NEURL1: variants seen among roughly 807,000 people sequenced by gnomAD.
NEURL1 encodes E3 ubiquitin-protein ligase NEURL1.
In NEURL1, 26 loss-of-function variants were observed where a neutral mutation model predicts 41.2. The ratio of observed to expected loss-of-function variants is 0.63; its 90% CI spans 0.46 to 0.87. NEURL1 has a LOEUF of 0.87. Among genes scored for constraint, NEURL1 ranks in the 40% least tolerant of loss-of-function variants. The pLI, the probability that NEURL1 is intolerant of heterozygous loss-of-function variation, is 0.00. For synonymous variants in NEURL1, 400 were observed against 402.3 expected (o/e 0.99, Z 0.07); for missense variants, 761 against 871.1 (o/e 0.87, Z 1.59).
chr10:103,578,458 C>T (rs2035713183), intron 3 of NEURL1, among the ~76,000 whole-genome samples: 1 of 152,118 alleles, frequency 6.6e-6, no homozygotes, highest in African/African-American at 2.4e-5. Flanking sequence ...CACTGGGGTT[C>T]CACAGAGGTG....
At chr10:103,544,867 G>A (rs997499665) in intron 1 of NEURL1, among the ~76,000 whole-genome samples, 2 of 152,162 alleles carry the variant, frequency 1.3e-5, no homozygotes, top group South Asian at 2.1e-4. Context: ...TGCCACCACC[G>A]CCACCAGGAG....
rs540523272 is a variant in NEURL1 at position 103,562,255 on chromosome 10, C to T, written c.86-8617C>T. 1.4e-4 allele frequency among the ~76,000 whole-genome samples: 22 copies of T among 152,228 alleles called. No individual in the cohort carries two copies. The South Asian group carries it at 2.7e-3, about 19-fold the overall frequency. On this transcript the variant is annotated intron_variant, in intron 1 of 5. Coordinates refer to ENST00000369780, the MANE Select transcript of NEURL1 (RefSeq NM_004210.5). ...AAAATTAGCCAGGCGTGGTGGCTCG[C>T]GCCTGTAATCCCAGCTACTCAGGAG...
chr10:103,520,687 C>T (rs142337798), intron 1 of NEURL1, among the ~76,000 whole-genome samples: 1,805 of 151,808 alleles, frequency 0.012, 26 homozygotes, highest in African/African-American at 0.041. Flanking sequence ...AAAATAGTGT[C>T]GAAGTGTTGG....
intron 1 of NEURL1, among the ~76,000 whole-genome samples, chr10:103,495,100 A>G (rs1185993890): frequency 6.6e-6 from 1 of 152,150 alleles, no homozygotes; most frequent in African/African-American, 2.4e-5. Context: ...GACATTTACT[A>G]GGAATGTCTT....
chr10:103,580,391 AC>A (rs1243304971), intron 3 of NEURL1, among the ~76,000 whole-genome samples: 3 of 152,272 alleles, frequency 2.0e-5, no homozygotes, highest in African/African-American at 7.2e-5. Flanking sequence ...ATGTGGGGCC[AC>A]CCCACTGCTT....
intron 1 of NEURL1, among the ~76,000 whole-genome samples, chr10:103,548,249 T>G (rs2034962478): frequency 6.6e-6 from 1 of 152,252 alleles, no homozygotes; most frequent in Admixed American, 6.5e-5. Flanking sequence ...ATGTGCCTGA[T>G]GCAGAGTAAG....
intron 1 of NEURL1, among the ~76,000 whole-genome samples, chr10:103,557,403 C>T (rs1035094359): frequency 2.0e-5 from 3 of 152,156 alleles, no homozygotes; most frequent in African/African-American, 7.2e-5. Flanking sequence ...TCCCATTTCC[C>T]TGGGGGCAGG....
At chr10:103,525,871 T>C (rs2034449330) in intron 1 of NEURL1, among the ~76,000 whole-genome samples, 1 of 152,224 alleles carries the variant, frequency 6.6e-6, no homozygotes, top group Non-Finnish European at 1.5e-5. Flanking sequence ...AGTATGATGT[T>C]GGCTATGATT....
At chr10:103,555,440 C>T in intron 1 of NEURL1, 5 of 1,349,746 alleles carry the variant, frequency 3.7e-6, no homozygotes, top group Non-Finnish European at 4.9e-6. Flanking sequence ...GCCTGCGGGC[C>T]CGCCCACCCC....
chr10:103,514,042 T>G (rs2034138784), intron 1 of NEURL1, among the ~76,000 whole-genome samples: 1 of 152,098 alleles, frequency 6.6e-6, no homozygotes, highest in Admixed American at 6.5e-5. Flanking sequence ...TTTTTCTCTT[T>G]CTTTTTGCAC....
intron 4 of NEURL1, among the ~76,000 whole-genome samples, chr10:103,586,241 G>A (rs1439558977): frequency 3.9e-5 from 6 of 152,084 alleles, no homozygotes; most frequent in Non-Finnish European, 5.9e-5. Context: ...TAATTTGACC[G>A]GAAATCTTTT....
intron 5 of NEURL1, among the ~76,000 whole-genome samples, chr10:103,589,907 A>G (rs1161012096): frequency 6.6e-6 from 1 of 152,020 alleles, no homozygotes; most frequent in African/African-American, 2.4e-5. Context: ...CTTTTCTCTC[A>G]CTGCCTCCTA....
At position 103,590,279 on chromosome 10, in the gene NEURL1, C is replaced by T. The variant is rs1198826305; in HGVS notation, c.1632C>T (p.Ala544=). The change falls in exon 6 of 6, where the codon GCC becomes GCT. Residue 544 remains alanine (A), a synonymous_variant. Coordinates refer to ENST00000369780, the MANE Select transcript of NEURL1 (RefSeq NM_004210.5). The part of the protein sequence containing the change: ...YTCGHMCLCY[A]CGLRLKKALH... The stretch of plus-strand genomic sequence containing the variant: ...GTGGCCACATGTGCCTCTGCTACGC[C>T]TGTGGCCTGCGCCTCAAGAAGGCTC... 6.2e-7 allele frequency: 1 copy of T among 1,614,188 alleles called. No homozygotes were observed. The highest frequency in any genetic ancestry group is 1.3e-5 in the African/African-American group (1 of 75,042).
chr10:103,536,368 A>G (rs1027912844), intron 1 of NEURL1, among the ~76,000 whole-genome samples: 1 of 151,788 alleles, frequency 6.6e-6, no homozygotes, highest in Middle Eastern at 3.2e-3. Context: ...ACATGGTGAA[A>G]CCCCTTCCCT....
intron 1 of NEURL1, among the ~76,000 whole-genome samples, chr10:103,569,321 G>A (rs2035488934): frequency 1.3e-5 from 2 of 152,226 alleles, no homozygotes; most frequent in African/African-American, 4.8e-5. Flanking sequence ...AGTTCATTGT[G>A]CTTTACTGCC....
chr10:103,567,005 C>CAA (rs1407830831), intron 1 of NEURL1, among the ~76,000 whole-genome samples: 1 of 148,278 alleles, frequency 6.7e-6, no homozygotes, highest in Non-Finnish European at 1.5e-5. Flanking sequence ...TTGTTTGAGA[C>CAA]AGAGTCTTGC....
At chr10:103,555,203 T>A in intron 1 of NEURL1, 3 of 628,994 alleles carry the variant, frequency 4.8e-6, no homozygotes, top group Non-Finnish European at 5.8e-6. Flanking sequence ...GGCGTGCGCG[T>A]GTGCCGGAGG....
chr10:103,514,057 C>T lies in NEURL1; in HGVS notation c.85+19585C>T, dbSNP rs192832437. Among the ~76,000 whole-genome samples the T allele has an allele frequency of 3.3e-3, 507 of 152,164 alleles. 8 individuals are homozygous for T. Among genetic ancestry groups the T allele is most frequent in the Admixed American group, 1.8e-3 (28 of 15,290 alleles). On this transcript the variant is annotated intron_variant, in intron 1 of 5. Coordinates refer to ENST00000369780, the MANE Select transcript of NEURL1 (RefSeq NM_004210.5). Reference sequence around the variant, plus strand: ...TTTTTCTCTTTCTTTTTGCACCTCTCCCAGGAGGTCTCCTGGATGAACTGA... The same window carrying T: ...TTTTTCTCTTTCTTTTTGCACCTCTTCCAGGAGGTCTCCTGGATGAACTGA...
intron 3 of NEURL1, among the ~76,000 whole-genome samples, chr10:103,582,331 C>T (rs2035798967): frequency 6.6e-6 from 1 of 152,180 alleles, no homozygotes; most frequent in Non-Finnish European, 1.5e-5. Context: ...TTTGTCTCTC[C>T]TACCTCCCCC....
Sources: gnomAD v4.1 joint callset for allele counts (sites outside exome capture counted in the v4.1 genomes callset) on GRCh38, gnomAD v4.1.1 for gene constraint, MANE v1.5 for transcripts, NCBI Gene and HGNC (gene_info 2026-07-23, HGNC 2026-07-21) for gene names.